The following BATF variants were observed in gnomAD, a reference collection of about 807,000 sequenced individuals.
BATF encodes the protein basic leucine zipper ATF-like transcription factor, also known as basic leucine zipper transcriptional factor ATF-like.
A neutral mutation model predicts 13.7 loss-of-function variants in BATF; 5 were observed. The observed-to-expected ratio is 0.36, with a 90% CI of 0.19 to 0.77. The LOEUF (loss-of-function observed/expected upper bound fraction) is 0.77. BATF is among the 30% of genes least tolerant of loss of function. The pLI is 0.51. For synonymous variants in BATF, 72 were observed against 67.5 expected (o/e 1.07, Z -0.33); for missense variants, 124 against 163.0 (o/e 0.76, Z 1.30).
chr14:75,523,964 C>T (rs1047405374), intron 1 of BATF, among the ~76,000 whole-genome samples: 6 of 152,134 alleles, frequency 3.9e-5, no homozygotes, highest in Non-Finnish European at 1.5e-5. Context: ...GTGCCCCATC[C>T]CCCTTAGAGG....
intron 2 of BATF, among the ~76,000 whole-genome samples, chr14:75,529,751 A>T (rs1325486679): frequency 6.6e-6 from 1 of 152,120 alleles, no homozygotes; most frequent in African/African-American, 2.4e-5. Flanking sequence ...TGAATAGGAG[A>T]TGATTAACAA....
chr14:75,534,656 C>A (rs551905953), intron 2 of BATF, among the ~76,000 whole-genome samples: 5 of 152,158 alleles, frequency 3.3e-5, no homozygotes, highest in African/African-American at 9.6e-5. Flanking sequence ...AATTAAGAAG[C>A]CTTCATCAAG....
intron 2 of BATF, among the ~76,000 whole-genome samples, chr14:75,541,439 G>C (rs1410246252): frequency 6.6e-6 from 1 of 152,196 alleles, no homozygotes; most frequent in African/African-American, 2.4e-5. Flanking sequence ...ACCTGGCTCT[G>C]TGTCTGGAGG....
chr14:75,540,493 A>G (rs1437350346), intron 2 of BATF, among the ~76,000 whole-genome samples: 1 of 152,210 alleles, frequency 6.6e-6, no homozygotes, highest in African/African-American at 2.4e-5. Flanking sequence ...ACCGGGGCTG[A>G]GGAATTATCT....
chr14:75,536,722 T>TTAAAATAAAATAAAA (rs56280822), intron 2 of BATF, among the ~76,000 whole-genome samples: 71,170 of 125,466 alleles, frequency 0.57, 21,225 homozygotes, highest in South Asian at 0.67. Context: ...GATCCTGTCT[T>TTAAAATAAAATAAAA]TAAAATAAAA....
At chr14:75,543,510 A>C (rs749546224) in intron 2 of BATF, among the ~76,000 whole-genome samples, 74 of 152,142 alleles carry the variant, frequency 4.9e-4, no homozygotes, top group Non-Finnish European at 8.8e-5. Context: ...ATAACCGATT[A>C]ACCTCATTAG....
At chr14:75,545,346 C>T (rs555720575) in intron 2 of BATF, among the ~76,000 whole-genome samples, 4 of 151,148 alleles carry the variant, frequency 2.6e-5, no homozygotes, top group South Asian at 2.1e-4. Context: ...CCGAGCCTCC[C>T]GGGTAGCTGG....
At chr14:75,532,590 A>G (rs1887752006) in intron 2 of BATF, among the ~76,000 whole-genome samples, 1 of 152,252 alleles carries the variant, frequency 6.6e-6, no homozygotes, top group African/African-American at 2.4e-5. Flanking sequence ...TTTGAAGAAA[A>G]AATAATTTAC....
At chr14:75,544,631 T>A (rs924999646) in intron 2 of BATF, among the ~76,000 whole-genome samples, 2 of 151,774 alleles carry the variant, frequency 1.3e-5, no homozygotes, top group Non-Finnish European at 2.9e-5. Flanking sequence ...AAACCACTGA[T>A]TCACATTCCT....
intron 2 of BATF, among the ~76,000 whole-genome samples, chr14:75,544,022 G>A (rs1887944673): frequency 6.6e-6 from 1 of 152,076 alleles, no homozygotes. Flanking sequence ...TCCAGCAGAT[G>A]ATGTCATAAG....
intron 2 of BATF, among the ~76,000 whole-genome samples, chr14:75,543,253 G>A (rs2140042842): frequency 6.6e-6 from 1 of 152,332 alleles, no homozygotes; most frequent in East Asian, 1.9e-4. Context: ...GCAGGGCTGT[G>A]ACTCCATCAT....
At chr14:75,535,656 T>C (rs1566767902) in intron 2 of BATF, among the ~76,000 whole-genome samples, 1 of 152,114 alleles carries the variant, frequency 6.6e-6, no homozygotes, top group Non-Finnish European at 1.5e-5. Flanking sequence ...GACCTTATAA[T>C]TTATACCCCA....
intron 1 of BATF, among the ~76,000 whole-genome samples, chr14:75,523,281 G>A (rs1322836237): frequency 6.6e-6 from 1 of 152,042 alleles, no homozygotes; most frequent in Middle Eastern, 3.2e-3. Context: ...TAGCATAGAA[G>A]GATCTCTCTA....
At chr14:75,540,118 G>A (rs115052550) in intron 2 of BATF, among the ~76,000 whole-genome samples, 1,535 of 152,266 alleles carry the variant, frequency 0.01, 29 homozygotes, top group African/African-American at 0.034. Flanking sequence ...GCAAGGAGAA[G>A]GCCAAGACAC....
intron 2 of BATF, among the ~76,000 whole-genome samples, chr14:75,538,005 C>G (rs544501694): frequency 2.1e-4 from 32 of 152,162 alleles, no homozygotes; most frequent in Non-Finnish European, 4.4e-4. Flanking sequence ...TTTTCCCAGG[C>G]TGGAGTGCAG....
chr14:75,533,070 C>G (rs913599698), intron 2 of BATF, among the ~76,000 whole-genome samples: 1 of 152,132 alleles, frequency 6.6e-6, no homozygotes, highest in Non-Finnish European at 1.5e-5. Context: ...AGGAAATCCA[C>G]CACCCCTAAC....
In BATF at chr14:75,530,679, A is replaced by T. The variant is rs537414503; in HGVS notation, c.168+5491A>T. Among the ~76,000 whole-genome samples the T allele has an allele frequency of 1.8e-4, 28 of 152,146 alleles. 1 individual carries two copies. The East Asian group carries it at 4.4e-3, about 24-fold the overall frequency. ...AATTTAATGTTTTATTTATTTATTT[A>T]TTTTTTATTTTTAGAGACAGGGTCT... On this transcript the variant is annotated intron_variant, in intron 2 of 2. Coordinates refer to ENST00000286639, the MANE Select transcript of BATF (RefSeq NM_006399.5).
At chr14:75,537,487 G>C (rs957314603) in intron 2 of BATF, among the ~76,000 whole-genome samples, 3 of 152,118 alleles carry the variant, frequency 2.0e-5, no homozygotes, top group African/African-American at 7.2e-5. Flanking sequence ...TTACTCTATG[G>C]CAGGCACTGT....
At chr14:75,528,917 A>G (rs1215395995) in intron 2 of BATF, among the ~76,000 whole-genome samples, 2 of 152,228 alleles carry the variant, frequency 1.3e-5, no homozygotes, top group African/African-American at 4.8e-5. Context: ...CAGCAAATGG[A>G]AGGAAGGAAT....
Sources: allele counts gnomAD v4.1 joint callset (sites outside exome capture counted in the v4.1 genomes callset), GRCh38; gene constraint gnomAD v4.1.1; transcripts MANE v1.5; gene names NCBI Gene and HGNC (gene_info 2026-07-23, HGNC 2026-07-21).